Variants in NTN4 observed in about 807,000 individuals in gnomAD.
The protein encoded by NTN4 is netrin 4, also known as netrin-4.
In NTN4, 32 loss-of-function variants were observed where a neutral mutation model predicts 73.6. The observed-to-expected ratio is 0.44, with a 90% CI of 0.33 to 0.58. The LOEUF (loss-of-function observed/expected upper bound fraction) is 0.58. NTN4 is among the 20% of genes least tolerant of loss of function. The probability of loss-of-function intolerance (pLI) is 0.04; values close to 1 mark genes in which losing one functional copy is unlikely to be tolerated. For synonymous variants in NTN4, 258 were observed against 287.5 expected (o/e 0.90, Z 1.04); for missense variants, 654 against 798.3 (o/e 0.82, Z 2.18).
intron 4 of NTN4, among the ~76,000 whole-genome samples, chr12:95,711,752 T>C (rs1024029046): frequency 6.6e-6 from 1 of 152,178 alleles, no homozygotes; most frequent in Admixed American, 6.5e-5. Flanking sequence ...CTGTGTTCTA[T>C]ACGTATTTAG....
At chr12:95,689,877 G>A (rs2078389082) in intron 5 of NTN4, among the ~76,000 whole-genome samples, 4 of 152,134 alleles carry the variant, frequency 2.6e-5, no homozygotes, top group Non-Finnish European at 5.9e-5. Context: ...TAGGCAGTTG[G>A]GGGTTTTCTT....
rs1322705105 is a variant in NTN4 at position 95,781,261 on chromosome 12, C to G, written c.585+5678G>C. 6.6e-6 allele frequency among the ~76,000 whole-genome samples: 1 copy of G among 152,064 alleles called. No homozygotes were observed. The highest frequency in any genetic ancestry group is 1.5e-5 in the Non-Finnish European group (1 of 68,024). ...GGCACATGTATACATATGTAACAAA[C>G]CTGCACGTTGTGCACATGTACCCTA... is the stretch of plus-strand genomic sequence containing the variant. On this transcript the variant is annotated intron_variant, in intron 2 of 9. Coordinates refer to ENST00000343702, the MANE Select transcript of NTN4 (RefSeq NM_021229.4). The surrounding 1 kb of genome is among the most constrained non-coding windows in gnomAD (Gnocchi z 4.1).
chr12:95,754,810 G>A (rs990790430), intron 2 of NTN4, among the ~76,000 whole-genome samples: 10 of 152,158 alleles, frequency 6.6e-5, no homozygotes, highest in African/African-American at 1.7e-4. Flanking sequence ...GACTCAGCCC[G>A]CCTGCACCCA....
chr12:95,770,628 A>C (rs1221564224), intron 2 of NTN4, among the ~76,000 whole-genome samples: 2 of 152,210 alleles, frequency 1.3e-5, no homozygotes, highest in Non-Finnish European at 2.9e-5. Context: ...CTGAAATAAA[A>C]AGTAACAGAA....
intron 9 of NTN4, among the ~76,000 whole-genome samples, chr12:95,661,501 C>G (rs1028364269): frequency 6.6e-6 from 1 of 152,162 alleles, no homozygotes. Flanking sequence ...TCTTTTCTAT[C>G]TCTAAAGGTA....
intron 7 of NTN4, chr12:95,670,425 T>C: frequency 3.9e-6 from 1 of 253,760 alleles, no homozygotes; most frequent in Non-Finnish European, 7.4e-6. Flanking sequence ...ATAAATACAG[T>C]CTAGTATTAA....
Position 95,735,949 on chromosome 12 carries a change from A to T in NTN4, c.864+1917T>A, listed in dbSNP as rs865963232. On this transcript the variant is annotated intron_variant, in intron 3 of 9. Transcript: ENST00000343702. Reference sequence around the variant, plus strand: ...TATTTATTTATTTATTTATTTATTTATTTTTTTGAGACAGAGTCTTGCTTT... The same window carrying T: ...TATTTATTTATTTATTTATTTATTTTTTTTTTTGAGACAGAGTCTTGCTTT... 4.5e-3 allele frequency among the ~76,000 whole-genome samples: 620 copies of T among 137,022 alleles called. 1 individual carries two copies. The highest frequency in any genetic ancestry group is 0.011 in the African/African-American group (387 of 36,472). The allele number at this position is 137,022 out of a possible 152,430, so 89.9% of individuals were successfully genotyped here.
At chr12:95,720,597 G>A (rs955345715) in intron 3 of NTN4, among the ~76,000 whole-genome samples, 2 of 152,080 alleles carry the variant, frequency 1.3e-5, no homozygotes, top group Non-Finnish European at 2.9e-5. Context: ...ACCGAGCTTA[G>A]TCTCATTTTT....
At chr12:95,777,578 T>C (rs2079103171) in intron 2 of NTN4, among the ~76,000 whole-genome samples, 1 of 152,062 alleles carries the variant, frequency 6.6e-6, no homozygotes, top group Admixed American at 6.6e-5. Context: ...CATTACATAA[T>C]GGTAAAGGGA....
intron 2 of NTN4, among the ~76,000 whole-genome samples, chr12:95,764,841 T>C (rs1465011438): frequency 6.6e-6 from 1 of 152,198 alleles, no homozygotes; most frequent in Non-Finnish European, 1.5e-5. Context: ...CTTTTACACG[T>C]TATAACTCCC....
chr12:95,719,322 T>A (rs1200978884), intron 3 of NTN4, among the ~76,000 whole-genome samples: 1 of 152,102 alleles, frequency 6.6e-6, no homozygotes, highest in Non-Finnish European at 1.5e-5. Flanking sequence ...TAAAAAAATG[T>A]TTGTGAAAAG....
At chr12:95,676,700 CAT>C (rs1011071860) in intron 7 of NTN4, among the ~76,000 whole-genome samples, 1 of 145,228 alleles carries the variant, frequency 6.9e-6, no homozygotes, top group African/African-American at 2.5e-5. Flanking sequence ...TTAGAGAAAA[CAT>C]AAAAAAAAAA....
At chr12:95,668,129 C>A (rs2078197014) in intron 8 of NTN4, among the ~76,000 whole-genome samples, 1 of 148,206 alleles carries the variant, frequency 6.7e-6, no homozygotes. Flanking sequence ...AAGGAGTAAG[C>A]AAGTAAGTCA....
intron 2 of NTN4, among the ~76,000 whole-genome samples, chr12:95,766,791 T>C (rs921112124): frequency 5.9e-5 from 9 of 152,214 alleles, no homozygotes; most frequent in Non-Finnish European, 1.2e-4. Flanking sequence ...TATTCTTCCA[T>C]GAATGTAGCC....
intron 5 of NTN4, among the ~76,000 whole-genome samples, chr12:95,692,036 A>G (rs1413762743): frequency 6.6e-6 from 1 of 152,116 alleles, no homozygotes; most frequent in Non-Finnish European, 1.5e-5. Flanking sequence ...TACTTTGAAT[A>G]GTACCTTTTT....
At chr12:95,700,300 C>G (rs1306287224) in intron 5 of NTN4, among the ~76,000 whole-genome samples, 15 of 151,614 alleles carry the variant, frequency 9.9e-5, no homozygotes, top group Non-Finnish European at 1.5e-5. Flanking sequence ...ATGCTAGAGA[C>G]AAGACTGCTA....
chr12:95,719,958 C>T (rs893913614), intron 3 of NTN4, among the ~76,000 whole-genome samples: 1 of 152,116 alleles, frequency 6.6e-6, no homozygotes, highest in Non-Finnish European at 1.5e-5. Flanking sequence ...CTTGAGGAAA[C>T]CCACTCATAA....
At chr12:95,682,423 C>CT (rs11433684) in intron 7 of NTN4, among the ~76,000 whole-genome samples, 73,118 of 136,390 alleles carry the variant, frequency 0.54, 18,922 homozygotes, top group Middle Eastern at 0.67. Flanking sequence ...TGGGTGACCT[C>CT]TTTTTTTTTT....
Position 95,671,008 on chromosome 12 carries a change from TTATC to T in NTN4, c.1511-866_1511-863del, listed in dbSNP as rs2078225578. ...TGTATGTATATATTTATTTATTTAT[TTATC>T]TATCGAGATGGAGTCTCATTCTGTC... On this transcript the variant is annotated intron_variant, in intron 7 of 9. Coordinates refer to ENST00000343702, the MANE Select transcript of NTN4 (RefSeq NM_021229.4). 6 of 151,864 alleles carry T rather than the reference TTATC, an allele frequency of 4.0e-5. No homozygotes were observed. The South Asian group carries it at 1.0e-3, about 26-fold the overall frequency. 9.4% of individuals were successfully genotyped at this position (151,864 alleles called of 1,614,324 possible).
Sources: allele counts gnomAD v4.1 joint callset (sites outside exome capture counted in the v4.1 genomes callset), GRCh38; gene constraint gnomAD v4.1.1; non-coding constraint Gnocchi (gnomAD v3.1); transcripts MANE v1.5; gene names NCBI Gene and HGNC (gene_info 2026-07-23, HGNC 2026-07-21).